The following LRP1B variants were observed in gnomAD, a reference collection of about 807,000 sequenced individuals.
LRP1B encodes the protein low-density lipoprotein receptor-related protein 1B.
In LRP1B, 217 loss-of-function variants were observed where a neutral mutation model predicts 556.6. That is an observed-to-expected ratio of 0.39 (90% CI 0.35 to 0.44). The LOEUF (loss-of-function observed/expected upper bound fraction) is 0.44, where lower values mean the gene tolerates loss of function less well. Ranked by LOEUF, LRP1B falls within the 20% of genes least tolerant of loss-of-function variation. The pLI is 1.00. For missense variants in LRP1B, 5,053 were observed against 5,620.8 expected, an observed-to-expected ratio of 0.90 and a Z score of 3.23; for synonymous variants, 2,047 against 1,865.8, an observed-to-expected ratio of 1.10 and a Z score of -2.50.
At chr2:141,219,489 T>G (rs952643452) in intron 6 of LRP1B, among the ~76,000 whole-genome samples, 2 of 152,210 alleles carry the variant, frequency 1.3e-5, no homozygotes, top group Admixed American at 1.3e-4. Flanking sequence ...GACCGTGATC[T>G]TGAATTTAGT....
chr2:140,781,023 G>A (rs1242367187), intron 32 of LRP1B, among the ~76,000 whole-genome samples: 1 of 152,064 alleles, frequency 6.6e-6, no homozygotes, highest in Non-Finnish European at 1.5e-5. Context: ...CATAGTTTTG[G>A]GTGGGTAGGG....
At chr2:140,620,144 G>A (rs575720640) in intron 41 of LRP1B, among the ~76,000 whole-genome samples, 34 of 151,996 alleles carry the variant, frequency 2.2e-4, no homozygotes, top group African/African-American at 8.0e-4. Flanking sequence ...ATATTGGTGA[G>A]GTCTTCTGAG....
Position 141,957,404 on chromosome 2 carries a change from G to T in LRP1B, c.83-147003C>A, listed in dbSNP as rs532333432. Among the ~76,000 whole-genome samples the T allele has an allele frequency of 6.9e-5, 8 of 116,620 alleles. No individual in the cohort carries two copies. The South Asian group carries it at 2.4e-3, about 34-fold the overall frequency. 76.5% of individuals were successfully genotyped at this position (116,620 alleles called of 152,430 possible). A position where few individuals can be genotyped will look rare whatever the true frequency, so the allele number is the denominator to read the frequency against. On this transcript the variant is annotated intron_variant, in intron 1 of 90. Coordinates refer to ENST00000389484, the MANE Select transcript of LRP1B (RefSeq NM_018557.3). ...TGTGTGGGGGGGGGGGGGCGGGGGG[G>T]TGTACACTCCCAGCTTTGTTTCGTG...
intron 3 of LRP1B, among the ~76,000 whole-genome samples, chr2:141,348,045 A>G (rs1459190287): frequency 6.6e-6 from 1 of 152,074 alleles, no homozygotes; most frequent in Non-Finnish European, 1.5e-5. Flanking sequence ...ACCACAACAG[A>G]CTGGATTATA....
intron 76 of LRP1B, among the ~76,000 whole-genome samples, chr2:140,351,601 T>A (rs942037238): frequency 6.6e-6 from 1 of 152,160 alleles, no homozygotes; most frequent in Admixed American, 6.5e-5. Flanking sequence ...CTGCTAAGTG[T>A]AACATTCTAT....
At chr2:140,874,120 A>T (rs529069266) in intron 25 of LRP1B, among the ~76,000 whole-genome samples, 4 of 152,210 alleles carry the variant, frequency 2.6e-5, no homozygotes, top group South Asian at 2.1e-4. Flanking sequence ...ATTTATTTTT[A>T]AAAAAACAAC....
chr2:140,970,712 ACCTTTTTTTTTTTT>A (rs1696387148), intron 18 of LRP1B, among the ~76,000 whole-genome samples: 2 of 126,416 alleles, frequency 1.6e-5, no homozygotes, highest in Admixed American at 7.9e-5. Flanking sequence ...TAATTTTTTA[ACCTTTTTTTTTTTT>A]TTTTTTTTTT....
intron 41 of LRP1B, among the ~76,000 whole-genome samples, chr2:140,643,697 C>T (rs920515820): frequency 3.9e-5 from 6 of 152,146 alleles, no homozygotes; most frequent in African/African-American, 4.8e-5. Context: ...GTTTTATCCC[C>T]TCAAAAGAAA....
chr2:141,363,743 C>A (rs931184086), intron 3 of LRP1B, among the ~76,000 whole-genome samples: 1 of 152,058 alleles, frequency 6.6e-6, no homozygotes, highest in African/African-American at 2.4e-5. Flanking sequence ...ATACTTAAGA[C>A]ATTTTCTACT....
intron 6 of LRP1B, among the ~76,000 whole-genome samples, chr2:141,206,504 G>A (rs1416538250): frequency 6.6e-6 from 1 of 151,792 alleles, no homozygotes; most frequent in African/African-American, 2.4e-5. Context: ...GGAGAACGGC[G>A]TAAATACAGG....
At chr2:141,787,166 T>C (rs183046335) in intron 2 of LRP1B, among the ~76,000 whole-genome samples, 53 of 152,080 alleles carry the variant, frequency 3.5e-4, no homozygotes, top group African/African-American at 1.2e-3. Flanking sequence ...GTACAGCTAT[T>C]TTAGAAAACT....
At position 140,716,079 on chromosome 2, in the gene LRP1B, C is replaced by A; in HGVS notation, c.5917G>T (p.Gly1973Cys). The part of the protein sequence containing the change: ...IAGNIYWTDH[G>C]FNLIEVARLN... Reference sequence around the variant, plus strand: ...CTTGCAACTTCAATTAAGTTGAAACCATGATCTGTCCAATATATGTTACCT... The same window carrying A: ...CTTGCAACTTCAATTAAGTTGAAACAATGATCTGTCCAATATATGTTACCT... The change falls in exon 37 of 91, where the codon GGT becomes TGT. Residue 1973 changes from glycine to cysteine, a missense_variant. Around this residue, in one of 5 missense-constraint regions of LRP1B, gnomAD observed 3,619 missense variants for 3,931.9 expected, o/e 0.92. Coordinates refer to ENST00000389484, the MANE Select transcript of LRP1B (RefSeq NM_018557.3). 6.2e-7 allele frequency: 1 copy of A among 1,604,824 alleles called. No individual in the cohort carries two copies. Among genetic ancestry groups the A allele is most frequent in the Non-Finnish European group, 8.5e-7 (1 of 1,172,702 alleles).
At chr2:141,560,465 AC>A (rs1357031121) in intron 2 of LRP1B, among the ~76,000 whole-genome samples, 4 of 151,654 alleles carry the variant, frequency 2.6e-5, no homozygotes, top group Admixed American at 6.6e-5. Flanking sequence ...ATTTTATTCA[AC>A]TTTTCCAAAG....
intron 2 of LRP1B, among the ~76,000 whole-genome samples, chr2:141,758,989 T>C (rs1248653054): frequency 6.6e-6 from 1 of 152,084 alleles, no homozygotes; most frequent in Admixed American, 6.5e-5. Context: ...GAAAGCCAAA[T>C]CATGATTTTT....
intron 2 of LRP1B, among the ~76,000 whole-genome samples, chr2:141,531,843 C>T (rs1009500653): frequency 1.4e-5 from 2 of 142,032 alleles, no homozygotes; most frequent in African/African-American, 4.9e-5. Flanking sequence ...GTAGGGGCAT[C>T]CCACAAGTGT....
chr2:140,588,665 A>G (rs1558987440), intron 43 of LRP1B, among the ~76,000 whole-genome samples: 1 of 152,196 alleles, frequency 6.6e-6, no homozygotes, highest in African/African-American at 2.4e-5. Flanking sequence ...ACAAGCAATT[A>G]GAGAAAAGAT....
At chr2:141,337,110 A>C (rs979934692) in intron 3 of LRP1B, among the ~76,000 whole-genome samples, 19 of 152,178 alleles carry the variant, frequency 1.2e-4, no homozygotes, top group South Asian at 4.1e-4. Context: ...TCTAAAAAAA[A>C]CTGCCAAACT....
chr2:140,634,522 A>T (rs1042939898), intron 41 of LRP1B, among the ~76,000 whole-genome samples: 3 of 152,160 alleles, frequency 2.0e-5, no homozygotes, highest in African/African-American at 4.8e-5. Context: ...ACTTCCTTCC[A>T]AAGTGTGCAG....
chr2:140,794,394 TA>T (rs1260459750), intron 32 of LRP1B, among the ~76,000 whole-genome samples: 1 of 151,864 alleles, frequency 6.6e-6, no homozygotes, highest in Non-Finnish European at 1.5e-5. Context: ...ATCTTGATGG[TA>T]AAATAAAATA....
Sources: gnomAD v4.1 joint callset for allele counts (sites outside exome capture counted in the v4.1 genomes callset) on GRCh38, gnomAD v4.1.1 for gene constraint, gnomAD v4.1.1 regional missense constraint, MANE v1.5 for transcripts, NCBI Gene and HGNC (gene_info 2026-07-23, HGNC 2026-07-21) for gene names.